The following NAV1 variants were observed in gnomAD, a reference collection of about 807,000 sequenced individuals.
The protein encoded by NAV1 is neuron navigator 1, also known as pore membrane and/or filament interacting like protein 3.
NAV1 carries 18 observed loss-of-function variants against 175.2 expected under a neutral mutation model. That is an observed-to-expected ratio of 0.10 (90% CI 0.07 to 0.15). NAV1 has a LOEUF of 0.15. NAV1 is among the 10% of genes least tolerant of loss of function. The pLI, the probability that NAV1 is intolerant of heterozygous loss-of-function variation, is 1.00. For synonymous variants in NAV1, 897 were observed against 978.7 expected (o/e 0.92, Z 1.56); for missense variants, 1,731 against 2,436.6 (o/e 0.71, Z 6.10).
intron 2 of NAV1, among the ~76,000 whole-genome samples, chr1:201,631,928 T>C (rs1360786853): frequency 6.6e-6 from 1 of 151,832 alleles, no homozygotes; most frequent in Non-Finnish European, 1.5e-5. Flanking sequence ...GCGGTCAGGG[T>C]TTGGTGAAGG....
chr1:201,755,884 A>G (rs1571460774), intron 3 of NAV1, among the ~76,000 whole-genome samples: 1 of 152,094 alleles, frequency 6.6e-6, no homozygotes, highest in Non-Finnish European at 1.5e-5. Flanking sequence ...AGGTGGGTGG[A>G]TCCCAAGGTC....
chr1:201,744,908 C>G (rs1673673557), intron 3 of NAV1, among the ~76,000 whole-genome samples: 2 of 152,206 alleles, frequency 1.3e-5, no homozygotes, highest in African/African-American at 4.8e-5. Flanking sequence ...TTTTTCACTG[C>G]TATCTGGAGG....
chr1:201,629,467 T>C, exon 2 of NAV1: 6 of 1,304,322 alleles, frequency 4.6e-6, no homozygotes, highest in Non-Finnish European at 6.1e-6. Flanking sequence ...ATGGCTATGC[T>C]GAGCCCCTCC....
Position 201,718,213 on chromosome 1 carries a change from G to A in NAV1, c.861-177G>A, listed in dbSNP as rs145884484. On this transcript the variant is annotated intron_variant, in intron 2 of 29. Transcript: ENST00000367296. This position sits in a 1 kb window ranked among gnomAD's most constrained non-coding sequence, Gnocchi z 4.8. ...TCATTTCCTTTGTCAAACAGATAACGTATCACAAAGGTAACACACAACCAG... is the reference window on the plus strand; with the variant it reads ...TCATTTCCTTTGTCAAACAGATAACATATCACAAAGGTAACACACAACCAG... 5.9e-3 allele frequency among the ~76,000 whole-genome samples: 899 copies of A among 152,244 alleles called. 8 individuals carry two copies. The highest frequency in any genetic ancestry group is 7.1e-3 in the Non-Finnish European group (486 of 68,022).
intron 2 of NAV1, among the ~76,000 whole-genome samples, chr1:201,641,562 G>C (rs540833319): frequency 6.6e-6 from 1 of 152,258 alleles, no homozygotes; most frequent in African/African-American, 2.4e-5. Flanking sequence ...AGGACAAAAA[G>C]AAGTGGGGAA....
At chr1:201,656,293 C>A (rs186337728) in intron 1 of NAV1, among the ~76,000 whole-genome samples, 28 of 152,356 alleles carry the variant, frequency 1.8e-4, no homozygotes, top group Middle Eastern at 6.8e-3. Context: ...TCTCAGGGTG[C>A]TTTCTCCTGT....
At chr1:201,671,377 C>T (rs965816448) in intron 1 of NAV1, among the ~76,000 whole-genome samples, 1 of 151,984 alleles carries the variant, frequency 6.6e-6, no homozygotes, top group African/African-American at 2.4e-5. Context: ...CCCCTCCATA[C>T]CTGCTTCCTG....
At chr1:201,559,509 C>T (rs71635549) in intron 1 of NAV1, among the ~76,000 whole-genome samples, 5,571 of 152,156 alleles carry the variant, frequency 0.037, 194 homozygotes, top group Admixed American at 0.12. Context: ...AAGCTTTGTC[C>T]GAGATGATGG....
chr1:201,575,999 T>A (rs1252856335), intron 1 of NAV1, among the ~76,000 whole-genome samples: 1 of 152,216 alleles, frequency 6.6e-6, no homozygotes, highest in African/African-American at 2.4e-5. Context: ...CACAAAGGGA[T>A]CCTGGATACC....
rs1414230817 is a variant in NAV1 at position 201,812,451 on chromosome 1, A to G, written c.5025-14A>G. 14 of 1,613,622 alleles carry G rather than the reference A, an allele frequency of 8.7e-6. No homozygotes were observed. The highest frequency in any genetic ancestry group is 1.7e-5 in the Admixed American group (1 of 59,986). On this transcript the variant is annotated splice_polypyrimidine_tract_variant and intron_variant, in intron 26 of 29. Transcript: ENST00000367296. The surrounding 1 kb of genome is among the most constrained non-coding windows in gnomAD (Gnocchi z 4.6). ...TTGCCACTCTGACCCCACTTTCCCC[A>G]TCCTTGGTGGCAGGATGTTGACCTT...
intron 2 of NAV1, among the ~76,000 whole-genome samples, chr1:201,632,347 G>T (rs1433203214): frequency 1.3e-5 from 2 of 152,234 alleles, no homozygotes; most frequent in African/African-American, 4.8e-5. Flanking sequence ...CTGCCCTGGG[G>T]CAAGTGTGGA....
chr1:201,779,608 A>AAAAAAG, intron 3 of NAV1, among the ~76,000 whole-genome samples: 1 of 150,326 alleles, frequency 6.7e-6, no homozygotes, highest in Non-Finnish European at 1.5e-5. Flanking sequence ...CAAAAAAAAA[A>AAAAAAG]AAAAAAAAAA....
intron 1 of NAV1, among the ~76,000 whole-genome samples, chr1:201,653,589 C>T (rs1181846811): frequency 6.6e-6 from 1 of 152,100 alleles, no homozygotes; most frequent in African/African-American, 2.4e-5. Context: ...TTCACAAATA[C>T]TTCGTTTTCC....
chr1:201,611,221 A>C (rs1292295667), intron 2 of NAV1, among the ~76,000 whole-genome samples: 2 of 152,184 alleles, frequency 1.3e-5, no homozygotes, highest in African/African-American at 4.8e-5. Flanking sequence ...ATTCTCTGCC[A>C]AGGACCAGGC....
chr1:201,809,654 G>A, intron 22 of NAV1, 117 bp downstream of exon 26: 1 of 921,956 alleles, frequency 1.1e-6, no homozygotes, highest in Non-Finnish European at 1.7e-6. Flanking sequence ...CGTGATCACA[G>A]CTCACTGCAG....
In NAV1 at chr1:201,799,196, G is replaced by GTGTGT. The variant is rs1553277504; in HGVS notation, c.3518-4397_3518-4396insTGTGT. 2.9e-3 allele frequency among the ~76,000 whole-genome samples: 446 copies of GTGTGT among 151,484 alleles called. 2 individuals are homozygous for GTGTGT. The highest frequency in any genetic ancestry group is 9.7e-3 in the African/African-American group (401 of 41,384). ...AGAAACTGTGTGTGTGTGTGTGTGTGGAGAGAGAGAGAGAAAGCAAATAAA... is the reference window on the plus strand; with the variant it reads ...AGAAACTGTGTGTGTGTGTGTGTGTGTGTGTGAGAGAGAGAGAGAAAGCAAATAAA... On this transcript the variant is annotated intron_variant, in intron 15 of 29. Coordinates refer to ENST00000367296, the Ensembl canonical transcript of NAV1.
At chr1:201,756,858 TTC>T (rs1176367726) in intron 3 of NAV1, among the ~76,000 whole-genome samples, 1 of 94,790 alleles carries the variant, frequency 1.1e-5, no homozygotes, top group African/African-American at 4.1e-5. Flanking sequence ...CTTTCTTTCT[TTC>T]TTTCTTTCTT....
chr1:201,809,277 G>T lies in NAV1; in HGVS notation c.4305+16G>T. On this transcript the variant is annotated intron_variant, in intron 21 of 29. Transcript: ENST00000367296. ...CATCAAAGGGGTAAGGAACTTCAGG[G>T]AGAGCCACAGTGGGAATGAACAAAT... The T allele has an allele frequency of 6.2e-7, 1 of 1,612,422 alleles. No homozygotes were observed. The highest frequency in any genetic ancestry group is 8.5e-7 in the Non-Finnish European group (1 of 1,178,526).
chr1:201,718,760 G>A lies in NAV1; in HGVS notation c.1226+5G>A. 6.3e-7 allele frequency: 1 copy of A among 1,592,292 alleles called. No individual in the cohort carries two copies. Among genetic ancestry groups the A allele is most frequent in the South Asian group, 1.1e-5 (1 of 89,768 alleles). ...GGATGATGACATCACTACCGGGTAA[G>A]CGCAGGGGCTTCTTGGATGGCGGGG... On this transcript the variant is annotated splice_donor_5th_base_variant and intron_variant, in intron 3 of 29. Coordinates refer to ENST00000367296, the Ensembl canonical transcript of NAV1. The surrounding 1 kb of genome is among the most constrained non-coding windows in gnomAD (Gnocchi z 4.8).
Sources: allele counts gnomAD v4.1 joint callset (sites outside exome capture counted in the v4.1 genomes callset), GRCh38; gene constraint gnomAD v4.1.1; non-coding constraint Gnocchi (gnomAD v3.1); transcripts MANE v1.5; gene names NCBI Gene and HGNC (gene_info 2026-07-23, HGNC 2026-07-21).